BEND5: variants seen among roughly 807,000 people sequenced by gnomAD.
BEND5 encodes BEN domain-containing protein 5.
A neutral mutation model predicts 43.9 loss-of-function variants in BEND5; 22 were observed. That is an observed-to-expected ratio of 0.50 (90% CI 0.36 to 0.72). BEND5 has a LOEUF of 0.72. Among genes scored for constraint, BEND5 ranks in the 30% least tolerant of loss-of-function variants. The pLI is 0.00. For synonymous variants in BEND5, 228 were observed against 225.9 expected (o/e 1.01, Z -0.08); for missense variants, 428 against 550.6 (o/e 0.78, Z 2.23).
chr1:48,754,015 G>T (rs1201810836), intron 3 of BEND5, among the ~76,000 whole-genome samples: 1 of 152,156 alleles, frequency 6.6e-6, no homozygotes, highest in Non-Finnish European at 1.5e-5. Context: ...CATCCTGAAG[G>T]CAAGGATTAT....
In BEND5 at chr1:48,727,813, T is replaced by C; in HGVS notation, c.*73A>G. ...ACCACCATGCACGGTGGGGTCTGAT[T>C]TGGACGGCACCATCGCTCGCAAATC... On this transcript the variant is annotated 3_prime_UTR_variant, in exon 6 of 6. Coordinates refer to ENST00000371833, the MANE Select transcript of BEND5 (RefSeq NM_024603.4). 2 of 1,444,708 alleles carry C rather than the reference T, an allele frequency of 1.4e-6. No homozygotes were observed. The highest frequency in any genetic ancestry group is 1.9e-6 in the Non-Finnish European group (2 of 1,045,368). 89.5% of individuals were successfully genotyped at this position (1,444,708 alleles called of 1,614,324 possible).
chr1:48,734,062 G>T (rs770993757), intron 5 of BEND5, among the ~76,000 whole-genome samples: 3 of 152,180 alleles, frequency 2.0e-5, no homozygotes, highest in Non-Finnish European at 4.4e-5. Flanking sequence ...GGCAGGGCAG[G>T]GCTGCATCCC....
chr1:48,772,358 G>A (rs535625879), intron 1 of BEND5, among the ~76,000 whole-genome samples: 19 of 152,312 alleles, frequency 1.2e-4, no homozygotes, highest in Non-Finnish European at 2.1e-4. Flanking sequence ...ATCACAGGTG[G>A]AGGGGGGCTG....
At chr1:48,738,816 C>G (rs768537975) in intron 4 of BEND5, among the ~76,000 whole-genome samples, 1 of 152,096 alleles carries the variant, frequency 6.6e-6, no homozygotes, top group East Asian at 1.9e-4. Flanking sequence ...TTTTTGAGTA[C>G]CTGGTTCACG....
intron 1 of BEND5, among the ~76,000 whole-genome samples, chr1:48,765,556 C>A (rs990428051): frequency 6.6e-6 from 1 of 152,192 alleles, no homozygotes; most frequent in Non-Finnish European, 1.5e-5. Flanking sequence ...AGCAATTCCG[C>A]TCCTGGGTGT....
intron 1 of BEND5, among the ~76,000 whole-genome samples, chr1:48,764,144 G>T (rs1425855052): frequency 6.6e-6 from 1 of 152,240 alleles, no homozygotes; most frequent in Non-Finnish European, 1.5e-5. Context: ...GAATAAGGGA[G>T]AAGTAACTGC....
At chr1:48,742,228 T>C (rs1400132391) in intron 4 of BEND5, among the ~76,000 whole-genome samples, 1 of 152,212 alleles carries the variant, frequency 6.6e-6, no homozygotes, top group Non-Finnish European at 1.5e-5. Flanking sequence ...TGAGTTGTTA[T>C]CTGTAAATAA....
chr1:48,774,441 A>G (rs1031667294), intron 1 of BEND5, among the ~76,000 whole-genome samples: 39 of 152,198 alleles, frequency 2.6e-4, no homozygotes, highest in African/African-American at 9.4e-4. Flanking sequence ...ATCAAAATTC[A>G]AAATGTGGTT....
chr1:48,750,916 C>T (rs1238445576), intron 3 of BEND5, among the ~76,000 whole-genome samples: 1 of 152,070 alleles, frequency 6.6e-6, no homozygotes, highest in Non-Finnish European at 1.5e-5. Flanking sequence ...CTCAGAGTAC[C>T]CCCTGGAGCA....
chr1:48,747,469 A>G (rs1412804599), intron 3 of BEND5, among the ~76,000 whole-genome samples: 4 of 152,250 alleles, frequency 2.6e-5, no homozygotes, highest in Non-Finnish European at 5.9e-5. Flanking sequence ...TGCAAGAGGC[A>G]CTGGGGACCC....
intron 1 of BEND5, among the ~76,000 whole-genome samples, chr1:48,761,956 AGG>A (rs1644275249): frequency 6.6e-6 from 1 of 152,216 alleles, no homozygotes; most frequent in Non-Finnish European, 1.5e-5. Flanking sequence ...AAGGAAGGGC[AGG>A]GGTATCTCCA....
chr1:48,743,433 T>C (rs1427514853), intron 3 of BEND5, among the ~76,000 whole-genome samples: 1 of 152,224 alleles, frequency 6.6e-6, no homozygotes. Context: ...TTTTTCTCCA[T>C]TAGCTTTTAA....
At chr1:48,770,529 C>T (rs891076142) in intron 1 of BEND5, among the ~76,000 whole-genome samples, 1 of 152,158 alleles carries the variant, frequency 6.6e-6, no homozygotes, top group African/African-American at 2.4e-5. Context: ...TCTCACTCTG[C>T]ACTCTCTCCC....
At position 48,759,057 on chromosome 1, in the gene BEND5, C is replaced by A. The variant is rs751505805; in HGVS notation, c.588G>T (p.Glu196Asp). 11 of 1,613,756 alleles carry A rather than the reference C, an allele frequency of 6.8e-6. No individual in the cohort carries two copies. The South Asian group carries it at 9.9e-5, about 15-fold the overall frequency. Residue 196 changes from glutamate (E) to aspartate (D), a missense_variant, in exon 3 of 6, where the codon GAG (glutamate) becomes GAT (aspartate). This residue lies in a region of BEND5 where 243 missense variants were observed against 286.4 expected (regional missense o/e 0.85). Coordinates refer to ENST00000371833, the MANE Select transcript of BEND5 (RefSeq NM_024603.4). ...CCAGCTCCTGCTGGAGGTGGCGCAT[C>A]TCTTCCTGTTGCTGCTGGTAGTTGC... ...LLRNYQQQQE[E>D]MRHLQQELER...
intron 3 of BEND5, among the ~76,000 whole-genome samples, chr1:48,752,479 G>A (rs1651901425): frequency 6.6e-6 from 1 of 152,190 alleles, no homozygotes; most frequent in East Asian, 1.9e-4. Context: ...TCCAGGCATG[G>A]TTGTAAAACA....
intron 3 of BEND5, among the ~76,000 whole-genome samples, chr1:48,745,792 C>T (rs1279055582): frequency 6.6e-6 from 1 of 152,138 alleles, no homozygotes. Flanking sequence ...ACTGGGTTTG[C>T]CACTTACTGT....
intron 1 of BEND5, among the ~76,000 whole-genome samples, chr1:48,764,371 C>T (rs564143935): frequency 1.3e-5 from 2 of 152,302 alleles, no homozygotes; most frequent in South Asian, 4.1e-4. Context: ...GTGTTAAAAA[C>T]TTGAGCAGAG....
chr1:48,774,296 G>T (rs2153324), intron 1 of BEND5, among the ~76,000 whole-genome samples: 91,005 of 152,022 alleles, frequency 0.6, 28,048 homozygotes, highest in Middle Eastern at 0.65. Context: ...GTCACTGTAA[G>T]CAATTCTCAG....
At position 48,761,326 on chromosome 1, in the gene BEND5, G is replaced by A. The variant is rs1267148210; in HGVS notation, c.360+11C>T. The A allele has an allele frequency of 6.5e-6, 10 of 1,542,006 alleles. No individual in the cohort carries two copies. The highest frequency in any genetic ancestry group is 2.4e-5 in the South Asian group (2 of 82,138). On this transcript the variant is annotated intron_variant, in intron 2 of 5. Coordinates refer to ENST00000371833, the MANE Select transcript of BEND5 (RefSeq NM_024603.4). Reference sequence around the variant, plus strand: ...CCAGCATACCTCCAAAGAAAGGAAAGATTTTGTTACCTTGATGTGTCTAAG... The same window carrying A: ...CCAGCATACCTCCAAAGAAAGGAAAAATTTTGTTACCTTGATGTGTCTAAG...
Sources: allele counts gnomAD v4.1 joint callset (sites outside exome capture counted in the v4.1 genomes callset), GRCh38; gene constraint gnomAD v4.1.1; regional missense constraint gnomAD v4.1.1; transcripts MANE v1.5; gene names NCBI Gene and HGNC (gene_info 2026-07-23, HGNC 2026-07-21).